Variants in CMTM7 observed in about 807,000 individuals in gnomAD.
CMTM7 encodes the protein CKLF-like MARVEL transmembrane domain-containing protein 7.
CMTM7 carries 7 observed loss-of-function variants against 19.3 expected under a neutral mutation model. The observed-to-expected ratio is 0.36, with a 90% CI of 0.21 to 0.68. The LOEUF is 0.68. Ranked by LOEUF, CMTM7 falls within the 30% of genes least tolerant of loss-of-function variation. The pLI, the probability that CMTM7 is intolerant of heterozygous loss-of-function variation, is 0.60. For missense variants in CMTM7, 193 were observed against 232.6 expected, an observed-to-expected ratio of 0.83 and a Z score of 1.11; for synonymous variants, 87 against 99.3, an observed-to-expected ratio of 0.88 and a Z score of 0.74.
At chr3:32,402,026 A>T (rs900051451) in intron 1 of CMTM7, among the ~76,000 whole-genome samples, 2 of 152,182 alleles carry the variant, frequency 1.3e-5, no homozygotes. Context: ...TTCCTGGGGC[A>T]GTCACTCTCC....
intron 1 of CMTM7, among the ~76,000 whole-genome samples, chr3:32,421,018 C>T (rs1028742390): frequency 4.1e-4 from 63 of 152,132 alleles, no homozygotes; most frequent in African/African-American, 1.3e-3. Context: ...ACCGTGCAGC[C>T]TGGGTCCCTG....
Position 32,452,741 on chromosome 3 carries a change from C to A in CMTM7, c.514+268C>A, listed in dbSNP as rs527468013. ...TTTCTCTTTCTTGCTTCCTTTCTTT[C>A]TTTTTCTTTACTTTTCTTTTTTTTT... is the stretch of plus-strand genomic sequence containing the variant. On this transcript the variant is annotated intron_variant, in intron 4 of 4. Coordinates refer to ENST00000334983, the MANE Select transcript of CMTM7 (RefSeq NM_138410.4). Among the ~76,000 whole-genome samples the A allele has an allele frequency of 3.3e-5, 5 of 151,008 alleles. No individual in the cohort carries two copies. The East Asian group carries it at 9.7e-4, about 29-fold the overall frequency.
chr3:32,419,573 T>C (rs925595721), intron 1 of CMTM7, among the ~76,000 whole-genome samples: 7 of 152,164 alleles, frequency 4.6e-5, no homozygotes, highest in African/African-American at 1.4e-4. Flanking sequence ...TGTTTTGTTT[T>C]GTTTAATCAT....
intron 1 of CMTM7, among the ~76,000 whole-genome samples, chr3:32,408,130 AG>A (rs780224746): frequency 6.6e-6 from 1 of 152,192 alleles, no homozygotes; most frequent in Non-Finnish European, 1.5e-5. Flanking sequence ...CGATGCGTCA[AG>A]GAAGTCTCTC....
At chr3:32,438,202 C>T (rs72858819) in intron 1 of CMTM7, among the ~76,000 whole-genome samples, 2,943 of 152,260 alleles carry the variant, frequency 0.019, 93 homozygotes, top group African/African-American at 0.065. Flanking sequence ...TTGGAGCTGG[C>T]GGGAGGAGGG....
chr3:32,454,059 C>T (rs903655714), intron 4 of CMTM7, among the ~76,000 whole-genome samples, 182 bp from the exon 5 acceptor site: 1 of 152,072 alleles, frequency 6.6e-6, no homozygotes, highest in African/African-American at 2.4e-5. Flanking sequence ...TCTGCACTAC[C>T]GAAGTTTTTT....
intron 1 of CMTM7, among the ~76,000 whole-genome samples, chr3:32,438,241 C>G (rs1482312674): frequency 1.2e-4 from 18 of 152,148 alleles, no homozygotes; most frequent in Admixed American, 1.2e-3. Flanking sequence ...CGCCTTTTCC[C>G]CACTATTGTC....
chr3:32,442,252 G>C (rs2125640265), intron 2 of CMTM7, among the ~76,000 whole-genome samples: 1 of 151,636 alleles, frequency 6.6e-6, no homozygotes, highest in South Asian at 2.1e-4. Flanking sequence ...GGCTCACGCT[G>C]GTAATCCCAG....
chr3:32,406,590 G>A (rs1165014384), intron 1 of CMTM7, among the ~76,000 whole-genome samples: 2 of 152,164 alleles, frequency 1.3e-5, no homozygotes, highest in African/African-American at 4.8e-5. Flanking sequence ...AGGAACCAGC[G>A]GAGTCTAAGT....
intron 1 of CMTM7, among the ~76,000 whole-genome samples, chr3:32,424,505 A>G (rs1480286195): frequency 1.3e-5 from 2 of 152,256 alleles, no homozygotes; most frequent in Admixed American, 1.3e-4. Flanking sequence ...ACACAGCCAC[A>G]GTACATGAAC....
At chr3:32,434,184 C>T (rs1050452119) in intron 1 of CMTM7, among the ~76,000 whole-genome samples, 2 of 151,886 alleles carry the variant, frequency 1.3e-5, no homozygotes, top group Non-Finnish European at 2.9e-5. Flanking sequence ...AGTGAAGCTC[C>T]GTCTCAAAAA....
chr3:32,413,037 A>G (rs1696203282), intron 1 of CMTM7, among the ~76,000 whole-genome samples: 1 of 152,244 alleles, frequency 6.6e-6, no homozygotes, highest in Non-Finnish European at 1.5e-5. Context: ...ACTACAGCCC[A>G]CAGACCAAAT....
At chr3:32,400,836 C>G (rs1431677588) in intron 1 of CMTM7, among the ~76,000 whole-genome samples, 1 of 152,174 alleles carries the variant, frequency 6.6e-6, no homozygotes, top group African/African-American at 2.4e-5. Flanking sequence ...GCTTCCAGTT[C>G]TACCTGCATA....
At chr3:32,427,613 A>T (rs1696452909) in intron 1 of CMTM7, among the ~76,000 whole-genome samples, 1 of 152,270 alleles carries the variant, frequency 6.6e-6, no homozygotes, top group South Asian at 2.1e-4. Context: ...AAGGCTTAGT[A>T]GTCACAGGAG....
Position 32,454,497 on chromosome 3 carries a change from C to T in CMTM7, c.*243C>T, listed in dbSNP as rs545863506. The T allele has an allele frequency of 2.9e-6, 2 of 695,330 alleles. No homozygotes were observed. Among genetic ancestry groups the T allele is most frequent in the Non-Finnish European group, 5.2e-6 (2 of 381,110 alleles). 43.1% of individuals were successfully genotyped at this position (695,330 alleles called of 1,614,324 possible). ...TCCCATTCTGGGAAAGGAAAGCAGC[C>T]TCCAGGGAAATGTTTTCTGCCTTCC... On this transcript the variant is annotated 3_prime_UTR_variant, in exon 5 of 5. Transcript: ENST00000334983.
chr3:32,403,010 T>C (rs981880610), intron 1 of CMTM7, among the ~76,000 whole-genome samples: 3 of 152,228 alleles, frequency 2.0e-5, no homozygotes, highest in Non-Finnish European at 4.4e-5. Flanking sequence ...TTCTGAATAC[T>C]TTGTCTCTTT....
chr3:32,391,915 C>A lies in CMTM7; in HGVS notation c.9C>A (p.His3Gln). Residue 3 changes from histidine to glutamine, a missense_variant, in exon 1 of 5, where the codon CAC becomes CAA. Transcript: ENST00000334983. ...CGAGCTGGGGCCGCGCAATGTCGCA[C>A]GGAGCCGGGCTCGTCCGCACCACGT... MS[H>Q]GAGLVRTTCS... is the part of the protein sequence containing the mutation. 8.2e-7 allele frequency: 1 copy of A among 1,223,528 alleles called. No homozygotes were observed. The highest frequency in any genetic ancestry group is 1.0e-6 in the Non-Finnish European group (1 of 982,514). 75.8% of individuals were successfully genotyped at this position (1,223,528 alleles called of 1,614,324 possible).
chr3:32,449,685 C>T lies in CMTM7; in HGVS notation c.432+133C>T. On this transcript the variant is annotated intron_variant, in intron 3 of 4. Transcript: ENST00000334983. The surrounding 1 kb of genome is among the most constrained non-coding windows in gnomAD (Gnocchi z 4.5). Reference sequence around the variant, plus strand: ...GAATCAATACCTACCTTGATCCAGCCATCAGCTCTCTCCAAAGAGCCTTAA... The same window carrying T: ...GAATCAATACCTACCTTGATCCAGCTATCAGCTCTCTCCAAAGAGCCTTAA... The T allele has an allele frequency of 1.4e-6, 1 of 722,868 alleles. No individual in the cohort carries two copies. Among genetic ancestry groups the T allele is most frequent in the East Asian group, 2.7e-5 (1 of 37,466 alleles). 44.8% of individuals were successfully genotyped at this position (722,868 alleles called of 1,614,324 possible). A position where few individuals can be genotyped will look rare whatever the true frequency, so the allele number is the denominator to read the frequency against.
chr3:32,441,243 G>T (rs1470336011), intron 1 of CMTM7, among the ~76,000 whole-genome samples: 1 of 152,204 alleles, frequency 6.6e-6, no homozygotes, highest in African/African-American at 2.4e-5. Flanking sequence ...TTGGACTGAT[G>T]ATTGAACCTG....
Sources: gnomAD v4.1 joint callset for allele counts (sites outside exome capture counted in the v4.1 genomes callset) on GRCh38, gnomAD v4.1.1 for gene constraint, Gnocchi (gnomAD v3.1) non-coding constraint, MANE v1.5 for transcripts, NCBI Gene and HGNC (gene_info 2026-07-23, HGNC 2026-07-21) for gene names.